Variants in NPY5R observed in about 807,000 individuals in gnomAD.
NPY5R encodes neuropeptide Y receptor Y5, also known as neuropeptide Y receptor type 5.
Under a neutral mutation model 24.8 loss-of-function variants are expected in NPY5R, and 21 were observed. That is an observed-to-expected ratio of 0.85 (90% CI 0.60 to 1.22). The LOEUF (loss-of-function observed/expected upper bound fraction) is 1.22. Ranked by LOEUF, NPY5R falls within the 50% of genes most tolerant of loss-of-function variation. The probability of loss-of-function intolerance (pLI) is 0.00; values close to 1 mark genes in which losing one functional copy is unlikely to be tolerated. For synonymous variants in NPY5R, 175 were observed against 183.0 expected, an observed-to-expected ratio of 0.96 and a Z score of 0.35; for missense variants, 481 against 521.3, an observed-to-expected ratio of 0.92 and a Z score of 0.75.
At position 163,351,044 on chromosome 4, in the gene NPY5R, A is replaced by T; in HGVS notation, c.771A>T (p.Leu257Phe). ...NRLEENEMIN[L>F]TLHPSKKSGP... ...TTGAAGAAAATGAGATGATCAACTTAACTCTTCATCCATCCAAAAAGAGTG... is the reference window on the plus strand; with the variant it reads ...TTGAAGAAAATGAGATGATCAACTTTACTCTTCATCCATCCAAAAAGAGTG... Residue 257 changes from leucine to phenylalanine, a missense_variant, in exon 4 of 4, where the codon TTA (leucine) becomes TTT (phenylalanine). By Grantham distance (22) the Leu-to-Phe change is conservative. Transcript: ENST00000338566. 1 of 1,614,086 alleles carries T rather than the reference A, an allele frequency of 6.2e-7. No homozygotes were observed. Among genetic ancestry groups the T allele is most frequent in the Non-Finnish European group, 8.5e-7 (1 of 1,179,924 alleles).
At chr4:163,348,506 G>A (rs1189292212) in intron 3 of NPY5R, among the ~76,000 whole-genome samples, 2 of 151,878 alleles carry the variant, frequency 1.3e-5, no homozygotes, top group African/African-American at 4.8e-5. Flanking sequence ...GCACGTGCCT[G>A]TAGTCCCACG....
rs1167269787 is a variant in NPY5R, at chr4:163,351,812, G to T, written c.*201G>T. 4.9e-6 allele frequency: 2 copies of T among 404,456 alleles called. No individual in the cohort carries two copies. Among genetic ancestry groups the T allele is most frequent in the Non-Finnish European group, 9.0e-6 (2 of 222,438 alleles). 25.1% of individuals were successfully genotyped at this position (404,456 alleles called of 1,614,324 possible). A position where few individuals can be genotyped will look rare whatever the true frequency, so the allele number is the denominator to read the frequency against. On this transcript the variant is annotated 3_prime_UTR_variant, in exon 4 of 4. Transcript: ENST00000338566. ...TAGTAGGATTAATTTATTTAGTTGT[G>T]CAGTCAGTGTCAATCCAATCTGTAA...
At chr4:163,349,259 C>T (rs946686219) in intron 3 of NPY5R, 6 of 659,170 alleles carry the variant, frequency 9.1e-6, no homozygotes, top group South Asian at 6.7e-5. Context: ...TTTGTTTGAA[C>T]GTTTTATTCT....
intron 1 of NPY5R, chr4:163,344,536 C>T (rs1181634850): frequency 6.6e-6 from 1 of 152,294 alleles, no homozygotes; most frequent in Non-Finnish European, 1.5e-5. Context: ...CGGGGCGCCA[C>T]TCAGGCCGTC....
At position 163,345,748 on chromosome 4, in the gene NPY5R, G is replaced by T. The variant is rs921184211; in HGVS notation, c.-86G>T. On this transcript the variant is annotated 5_prime_UTR_variant, in exon 2 of 4. Transcript: ENST00000338566. ...TTGTGTTTTTCAGGAAAAAGGAAGGGAAAGGGTAAGTTTAATGGAAAAAAT... is the reference window on the plus strand; with the variant it reads ...TTGTGTTTTTCAGGAAAAAGGAAGGTAAAGGGTAAGTTTAATGGAAAAAAT... 4 of 152,118 alleles carry T rather than the reference G, an allele frequency of 2.6e-5. No individual in the cohort carries two copies. Among genetic ancestry groups the T allele is most frequent in the Non-Finnish European group, 4.4e-5 (3 of 68,024 alleles). The allele number at this position is 152,118 out of a possible 1,614,324, so 9.4% of individuals were successfully genotyped here.
intron 1 of NPY5R, chr4:163,344,902 G>A (rs1172327197): frequency 3.3e-5 from 5 of 152,216 alleles, no homozygotes; most frequent in Admixed American, 6.5e-5. Context: ...GGTGGTGCAT[G>A]CCTGTGTGTT....
Position 163,351,332 on chromosome 4 carries a change from A to C in NPY5R, c.1059A>C (p.Lys353Asn), listed in dbSNP as rs1343482307. ...ENSDVHELRV[K>N]RSVTRIKKRS... The stretch of plus-strand genomic sequence containing the variant: ...CAGATGTTCATGAATTGAGAGTAAA[A>C]CGTTCTGTTACAAGAATAAAAAAGA... The change falls in exon 4 of 4, where the codon AAA becomes AAC. Residue 353 changes from lysine (K) to asparagine (N), a missense_variant. Coordinates refer to ENST00000338566, the MANE Select transcript of NPY5R (RefSeq NM_006174.4). 2 of 1,613,780 alleles carry C rather than the reference A, an allele frequency of 1.2e-6. No individual in the cohort carries two copies. The highest frequency in any genetic ancestry group is 3.3e-5 in the Admixed American group (2 of 60,020).
rs142131766 is a variant in NPY5R at position 163,346,828 on chromosome 4, T to C, written c.-80-624T>C. 6.7e-3 allele frequency among the ~76,000 whole-genome samples: 1,023 copies of C among 152,342 alleles called. 3 individuals are homozygous for C. The highest frequency in any genetic ancestry group is 0.022 in the African/African-American group (930 of 41,588). On this transcript the variant is annotated intron_variant, in intron 2 of 3. Transcript: ENST00000338566. ...TTTTTTAAATGTTGTAAATATATCT[T>C]ACAGTTTTAGTTGCATGTTGCTTGT...
At chr4:163,345,356 TA>T (rs1735187805) in intron 1 of NPY5R, 1 of 152,312 alleles carries the variant, frequency 6.6e-6, no homozygotes, top group Admixed American at 6.5e-5. Context: ...AAAAAGATAT[TA>T]TTTTTTATAA....
At chr4:163,348,679 C>T (rs1735355444) in intron 3 of NPY5R, among the ~76,000 whole-genome samples, 1 of 150,300 alleles carries the variant, frequency 6.7e-6, no homozygotes, top group African/African-American at 2.4e-5. Context: ...AAAAAAAAGT[C>T]CTTTTTTTTT....
chr4:163,345,430 G>C (rs945795395), intron 1 of NPY5R: 1 of 152,066 alleles, frequency 6.6e-6, no homozygotes, highest in African/African-American at 2.4e-5. Context: ...TTAAAGTTCT[G>C]TGTTTCAGCC....
intron 3 of NPY5R, among the ~76,000 whole-genome samples, chr4:163,347,997 C>T (rs1735319804): frequency 6.6e-6 from 1 of 152,274 alleles, no homozygotes; most frequent in African/African-American, 2.4e-5. Context: ...CTGTTTGAAA[C>T]TTGCTACACA....
rs776274289 is a variant in NPY5R, at chr4:163,351,113, A to T, written c.840A>T (p.Ser280=). The change falls in exon 4 of 4, where the codon TCA becomes TCT. Residue 280 remains serine (S), a synonymous_variant. Transcript: ENST00000338566. The stretch of plus-strand genomic sequence containing the variant: ...CTGGCAGCCATAAATGGAGTTATTC[A>T]TTCATCAAAAAACACAGAAGAAGAT... ...KLSGSHKWSY[S]FIKKHRRRYS... The T allele has an allele frequency of 1.2e-6, 2 of 1,614,178 alleles. No individual in the cohort carries two copies. Among genetic ancestry groups the T allele is most frequent in the Non-Finnish European group, 1.7e-6 (2 of 1,180,030 alleles).
At position 163,350,553 on chromosome 4, in the gene NPY5R, TG is replaced by T. The variant is rs761905399; in HGVS notation, c.281del (p.Cys94SerfsTer6). The T allele has an allele frequency of 6.2e-7, 1 of 1,614,238 alleles. No individual in the cohort carries two copies. Among genetic ancestry groups the T allele is most frequent in the South Asian group, 1.1e-5 (1 of 91,078 alleles). On this transcript the variant is annotated frameshift_variant, in exon 4 of 4. Coordinates refer to ENST00000338566, the MANE Select transcript of NPY5R (RefSeq NM_006174.4). LOFTEE classifies it high-confidence loss of function. ...TTCTGATATCTTGGTTGTGCTGTTT[TG>T]CTCACCTTTCACACTGACGTCTGTC... ...AFSDILVVLF[C>X]SPFTLTSVLL... is the part of the protein sequence containing the mutation.
At chr4:163,352,373 AT>A (rs1488706826), downstream of NPY5R, among the ~76,000 whole-genome samples, 1 of 152,158 alleles carries the variant, frequency 6.6e-6, no homozygotes. Flanking sequence ...TGGTATCTGT[AT>A]TTCCAATTAT....
In NPY5R at chr4:163,350,451, C is replaced by G. The variant is rs1310829404; in HGVS notation, c.178C>G (p.Leu60Val). Residue 60 changes from leucine to valine, a missense_variant, in exon 4 of 4, where the codon CTA becomes GTA. Transcript: ENST00000338566. ...AAGTCTTCTTGGCTTTATGGGGAAT[C>G]TACTTATTTTAATGGCTCTCATGAA... Reference protein sequence around the residue: ...FVSLLGFMGNLLILMALMKKR... With the variant: ...FVSLLGFMGNVLILMALMKKR... 4 of 1,613,816 alleles carry G rather than the reference C, an allele frequency of 2.5e-6. No individual in the cohort carries two copies. Among genetic ancestry groups the G allele is most frequent in the East Asian group, 4.5e-5 (2 of 44,868 alleles).
At position 163,345,699 on chromosome 4, in the gene NPY5R, G is replaced by C. The variant is rs1735206915; in HGVS notation, c.-120-15G>C. Reference sequence around the variant, plus strand: ...CTCGTAATAACACTTGTTGAAATTTGGATTTCCATTGTAGGTCTGCTCATT... The same window carrying C: ...CTCGTAATAACACTTGTTGAAATTTCGATTTCCATTGTAGGTCTGCTCATT... On this transcript the variant is annotated splice_polypyrimidine_tract_variant and intron_variant, in intron 1 of 3. Coordinates refer to ENST00000338566, the MANE Select transcript of NPY5R (RefSeq NM_006174.4). 6.6e-6 allele frequency: 1 copy of C among 152,044 alleles called. No individual in the cohort carries two copies. The highest frequency in any genetic ancestry group is 6.6e-5 in the Admixed American group (1 of 15,264). 9.4% of individuals were successfully genotyped at this position (152,044 alleles called of 1,614,324 possible).
Position 163,350,848 on chromosome 4 carries a change from T to C in NPY5R, c.575T>C (p.Leu192Pro), listed in dbSNP as rs1415543008. The change falls in exon 4 of 4, where the codon CTG (leucine) becomes CCG (proline). Residue 192 changes from leucine (L) to proline (P), a missense_variant. Coordinates refer to ENST00000338566, the MANE Select transcript of NPY5R (RefSeq NM_006174.4). The part of the protein sequence containing the change: ...ELQETFGSAL[L>P]SSRYLCVESW... ...CAAGAAACATTTGGTTCAGCATTGC[T>C]GAGCAGCAGGTATTTATGTGTTGAG... The C allele has an allele frequency of 1.9e-6, 3 of 1,614,250 alleles. No individual in the cohort carries two copies. The East Asian group carries it at 6.7e-5, about 36-fold the overall frequency.
chr4:163,344,524 C>T (rs1240474553), intron 1 of NPY5R: 2 of 152,224 alleles, frequency 1.3e-5, no homozygotes, highest in African/African-American at 2.4e-5. Flanking sequence ...GGGCGCAGCC[C>T]GCGGGGCGCC....
Sources: allele counts gnomAD v4.1 joint callset (sites outside exome capture counted in the v4.1 genomes callset), GRCh38; gene constraint gnomAD v4.1.1; transcripts MANE v1.5; gene names NCBI Gene and HGNC (gene_info 2026-07-23, HGNC 2026-07-21).